Variants in IGF2R observed in about 807,000 individuals in gnomAD.
IGF2R encodes the protein insulin like growth factor 2 receptor.
A neutral mutation model predicts 270.6 loss-of-function variants in IGF2R; 91 were observed. That is an observed-to-expected ratio of 0.34 (90% CI 0.28 to 0.40). The LOEUF is 0.40. Ranked by LOEUF, IGF2R falls within the 10% of genes least tolerant of loss-of-function variation. The probability of loss-of-function intolerance (pLI) is 1.00; values close to 1 mark genes in which losing one functional copy is unlikely to be tolerated. For missense variants in IGF2R, 2,805 were observed against 3,188.3 expected, an observed-to-expected ratio of 0.88 and a Z score of 2.90; for synonymous variants, 1,316 against 1,258.9, an observed-to-expected ratio of 1.05 and a Z score of -0.96.
At chr6:160,007,047 G>A (rs1329971403) in intron 2 of IGF2R, 1 of 151,178 alleles carries the variant, frequency 6.6e-6, no homozygotes. Flanking sequence ...CAACCGTATT[G>A]TTGTTTTTCA....
At chr6:160,060,459 C>A (rs1011439897) in intron 22 of IGF2R, 88 bp from the exon 23 acceptor site, 6 of 1,319,454 alleles carry the variant, frequency 4.5e-6, no homozygotes, top group African/African-American at 4.4e-5. Flanking sequence ...TTGCCAGTGG[C>A]AGCCTTGTCC....
At chr6:160,000,035 G>C (rs995325438) in intron 2 of IGF2R, among the ~76,000 whole-genome samples, 2 of 152,188 alleles carry the variant, frequency 1.3e-5, no homozygotes, top group African/African-American at 4.8e-5. Flanking sequence ...TAGGATGAGA[G>C]CTTTTCTTAA....
At chr6:160,101,504 C>G (rs77455386) in intron 45 of IGF2R, among the ~76,000 whole-genome samples, 3 of 152,350 alleles carry the variant, frequency 2.0e-5, no homozygotes, top group African/African-American at 7.2e-5. Context: ...TTGGCTTAAG[C>G]TGAACTTTGA....
Position 160,078,341 on chromosome 6 carries a change from C to T in IGF2R, c.5457C>T (p.Ser1819=). The change falls in exon 37 of 48, where the codon AGC becomes AGT. Residue 1819 remains serine, a synonymous_variant. Coordinates refer to ENST00000356956, the MANE Select transcript of IGF2R (RefSeq NM_000876.4). Reference sequence around the variant, plus strand: ...TCCTCTACAGCTTCAACTTGTCCAGCCTTTCCACGAGCACCTTTAAGGTAA... The same window carrying T: ...TCCTCTACAGCTTCAACTTGTCCAGTCTTTCCACGAGCACCTTTAAGGTAA... The part of the protein sequence containing the change: ...EQLLYSFNLS[S]LSTSTFKVTR... 9 of 1,614,142 alleles carry T rather than the reference C, an allele frequency of 5.6e-6. No homozygotes were observed. Among genetic ancestry groups the T allele is most frequent in the Non-Finnish European group, 6.8e-6 (8 of 1,179,970 alleles).
At chr6:160,021,605 T>TA (rs1190837402) in intron 4 of IGF2R, among the ~76,000 whole-genome samples, 2 of 136,696 alleles carry the variant, frequency 1.5e-5, no homozygotes, top group Non-Finnish European at 1.6e-5. Flanking sequence ...ATAATAAAAT[T>TA]AAAAAAAAAA....
At chr6:160,065,467 T>C (rs1439796397) in intron 29 of IGF2R, among the ~76,000 whole-genome samples, 1 of 152,186 alleles carries the variant, frequency 6.6e-6, no homozygotes, top group Non-Finnish European at 1.5e-5. Context: ...ATCGGTTATT[T>C]ATGTAGGTGA....
chr6:160,079,925 C>G lies in IGF2R; in HGVS notation c.5686+138C>G, dbSNP rs8191907. The G allele has an allele frequency of 1.5e-3, 1,433 of 959,490 alleles. 17 individuals carry two copies. In the African/African-American group the frequency reaches 0.021, roughly 14 times the overall value. The allele number at this position is 959,490 out of a possible 1,614,324, so 59.4% of individuals were successfully genotyped here. A position where few individuals can be genotyped will look rare whatever the true frequency, so the allele number is the denominator to read the frequency against. ...ACCTTGGGCGTGAATGTGAGCTGTTCCTCTGTACACCCCCGGTGTGAATGC... is the reference window on the plus strand; with the variant it reads ...ACCTTGGGCGTGAATGTGAGCTGTTGCTCTGTACACCCCCGGTGTGAATGC... On this transcript the variant is annotated intron_variant, in intron 38 of 47. Transcript: ENST00000356956.
chr6:160,001,269 A>C (rs1220916117), intron 2 of IGF2R, among the ~76,000 whole-genome samples: 1 of 151,944 alleles, frequency 6.6e-6, no homozygotes, highest in African/African-American at 2.4e-5. Context: ...CGCGAACCCT[A>C]TTGTGAACTG....
chr6:160,043,253 G>C lies in IGF2R; in HGVS notation c.1586G>C (p.Arg529Pro), dbSNP rs6413489. ...AGAGTGCTGCAGGAAGGCAAGGCAC[G>C]AGGGTGTCCCGAGGACGCGGCAGTG... ...CHRVLQEGKA[R>P]GCPEDAAVCA... Residue 529 changes from arginine (R) to proline (P), a missense_variant, in exon 12 of 48, where the codon CGA becomes CCA. This residue lies in a region of IGF2R where 954 missense variants were observed against 981.1 expected (regional missense o/e 0.97). Transcript: ENST00000356956. 2.5e-6 allele frequency: 4 copies of C among 1,614,122 alleles called. No individual in the cohort carries two copies. The East Asian group carries it at 8.9e-5, about 36-fold the overall frequency.
At chr6:160,080,385 T>G (rs929038737) in intron 39 of IGF2R, 110 bp downstream of exon 39, 2 of 1,082,800 alleles carry the variant, frequency 1.8e-6, no homozygotes, top group Non-Finnish European at 1.3e-6. Flanking sequence ...GGAATTCTCT[T>G]GCATAAAATA....
chr6:159,984,365 C>G (rs1783848700), intron 1 of IGF2R, among the ~76,000 whole-genome samples: 1 of 151,964 alleles, frequency 6.6e-6, no homozygotes, highest in African/African-American at 2.4e-5. Flanking sequence ...GTAAACGAAC[C>G]CACTGCGCTA....
chr6:160,017,604 C>T (rs1420082434), intron 4 of IGF2R, among the ~76,000 whole-genome samples: 3 of 152,184 alleles, frequency 2.0e-5, no homozygotes, highest in East Asian at 1.9e-4. Flanking sequence ...ATCCTATCCA[C>T]GAGAAAAGTA....
chr6:160,024,532 A>G (rs1236151324), intron 4 of IGF2R, 40 bp from the exon 5 acceptor site: 21 of 1,605,436 alleles, frequency 1.3e-5, no homozygotes, highest in Non-Finnish European at 1.8e-5. Flanking sequence ...ATTGACCAAG[A>G]TGTATACTGA....
chr6:160,051,189 A>C (rs1313275859), intron 19 of IGF2R, among the ~76,000 whole-genome samples: 1 of 152,164 alleles, frequency 6.6e-6, no homozygotes, highest in African/African-American at 2.4e-5. Flanking sequence ...CACAGGGGAG[A>C]GGGAGATAGG....
intron 21 of IGF2R, 62 bp from the exon 22 acceptor site, chr6:160,058,844 T>C: frequency 7.0e-7 from 1 of 1,435,380 alleles, no homozygotes; most frequent in Non-Finnish European, 9.7e-7. Context: ...GCTAGGGTTC[T>C]TGTCTGTGGT....
rs111501945 is a variant in IGF2R at position 159,978,328 on chromosome 6, G to T, written c.149+8933G>T. On this transcript the variant is annotated intron_variant, in intron 1 of 47. Coordinates refer to ENST00000356956, the MANE Select transcript of IGF2R (RefSeq NM_000876.4). ...CTCAGATTCCCCCAAACAATGAGGA[G>T]CTTGATAATTCGAGGTGTGGAGTTT... Among the ~76,000 whole-genome samples, 417 of 152,296 alleles carry T rather than the reference G, an allele frequency of 2.7e-3. 1 individual carries two copies. The highest frequency in any genetic ancestry group is 4.7e-3 in the Non-Finnish European group (318 of 68,022).
At position 160,060,677 on chromosome 6, in the gene IGF2R, G is replaced by A. The variant is rs763107406; in HGVS notation, c.3222G>A (p.Ala1074=). Residue 1074 remains alanine (A), a synonymous_variant, in exon 23 of 48, where the codon GCG becomes GCA. Transcript: ENST00000356956. Reference sequence around the variant, plus strand: ...ACACTTACTTTGAGTTTGAAACCGCGTTGGCCTGTGTTCCTTCTCCAGTGG... The same window carrying A: ...ACACTTACTTTGAGTTTGAAACCGCATTGGCCTGTGTTCCTTCTCCAGTGG... ...IRNTYFEFET[A]LACVPSPVDC... 1.7e-5 allele frequency: 27 copies of A among 1,614,142 alleles called. No individual in the cohort carries two copies. Among genetic ancestry groups the A allele is most frequent in the South Asian group, 4.4e-5 (4 of 91,090 alleles).
intron 4 of IGF2R, among the ~76,000 whole-genome samples, chr6:160,021,562 G>T (rs1777435766): frequency 6.6e-6 from 1 of 150,658 alleles, no homozygotes; most frequent in South Asian, 2.1e-4. Flanking sequence ...CCTGCACGTT[G>T]TGCACATGTA....
intron 22 of IGF2R, 77 bp downstream of exon 22, chr6:160,059,175 T>A: frequency 1.6e-6 from 2 of 1,230,950 alleles, no homozygotes; most frequent in Non-Finnish European, 2.3e-6. Context: ...CCTTCCTGAG[T>A]GTAGGATGTG....
Sources: allele counts gnomAD v4.1 joint callset (sites outside exome capture counted in the v4.1 genomes callset), GRCh38; gene constraint gnomAD v4.1.1; regional missense constraint gnomAD v4.1.1; transcripts MANE v1.5; gene names NCBI Gene and HGNC (gene_info 2026-07-23, HGNC 2026-07-21).